Variants in NSF observed in about 807,000 individuals in gnomAD.
The protein encoded by NSF is N-ethylmaleimide sensitive factor, vesicle fusing ATPase, also known as vesicle-fusing ATPase.
A neutral mutation model predicts 50.3 loss-of-function variants in NSF; 14 were observed. That is an observed-to-expected ratio of 0.28 (90% CI 0.18 to 0.44). NSF has a LOEUF of 0.44. Ranked by LOEUF, NSF falls within the 20% of genes least tolerant of loss-of-function variation. The pLI is 1.00. For missense variants in NSF, 218 were observed against 504.3 expected (o/e 0.43, Z 5.44); for synonymous variants, 109 against 175.7 (o/e 0.62, Z 3.00).
chr17:46,728,788 A>G (rs2058919013), intron 16 of NSF, 67 bp from the exon 17 acceptor site: 8 of 1,190,350 alleles, frequency 6.7e-6, no homozygotes, highest in African/African-American at 1.6e-5. Flanking sequence ...AAAAAAAACA[A>G]AAACTGAATG....
intron 17 of NSF, among the ~76,000 whole-genome samples, chr17:46,732,152 T>C (rs1027919703): frequency 6.6e-6 from 1 of 152,228 alleles, no homozygotes; most frequent in African/African-American, 2.4e-5. Flanking sequence ...TGAGCATTTT[T>C]CTTTAAAAGG....
intron 1 of NSF, among the ~76,000 whole-genome samples, chr17:46,610,055 C>CTT (rs1728837431): frequency 7.3e-6 from 1 of 136,176 alleles, no homozygotes; most frequent in Non-Finnish European, 1.7e-5. Context: ...TTCTTTCTTT[C>CTT]TTTCTTTCTT....
At chr17:46,748,328 C>T (rs1844146787) in intron 17 of NSF, among the ~76,000 whole-genome samples, 1 of 152,256 alleles carries the variant, frequency 6.6e-6, no homozygotes, top group South Asian at 2.1e-4. Flanking sequence ...TCAGGCTGGT[C>T]TCAAACTCCT....
chr17:46,721,868 A>T, intron 15 of NSF: 1 of 1,586,776 alleles, frequency 6.3e-7, no homozygotes. Context: ...CTTAGGCAGA[A>T]TTCTCCTCTG....
At chr17:46,710,096 C>A (rs1205121586) in intron 13 of NSF, among the ~76,000 whole-genome samples, 4 of 152,122 alleles carry the variant, frequency 2.6e-5, no homozygotes, top group Non-Finnish European at 4.4e-5. Flanking sequence ...ATCAGGTAAT[C>A]AAAAGTTGAA....
intron 15 of NSF, among the ~76,000 whole-genome samples, chr17:46,724,826 T>C (rs1450687451): frequency 2.0e-5 from 3 of 152,160 alleles, no homozygotes; most frequent in Non-Finnish European, 4.4e-5. Context: ...TAGGCCTTTT[T>C]TTCTTCTTCT....
chr17:46,732,848 G>GA (rs1327461525), intron 17 of NSF, among the ~76,000 whole-genome samples: 3 of 152,256 alleles, frequency 2.0e-5, no homozygotes, highest in East Asian at 3.9e-4. Context: ...AGCCAAGCCG[G>GA]AAAAAAGGGC....
chr17:46,595,779 C>T (rs1279243798), intron 1 of NSF, among the ~76,000 whole-genome samples: 1 of 133,048 alleles, frequency 7.5e-6, no homozygotes, highest in African/African-American at 3.3e-5. Flanking sequence ...TATGAGCCAC[C>T]GCGACTGACC....
rs1361926587 is a variant in NSF at position 46,620,317 on chromosome 17, T to C, written c.13-3927T>C. Among the ~76,000 whole-genome samples, 3 of 8,772 alleles carry C rather than the reference T, an allele frequency of 3.4e-4. 1 individual carries two copies. Among genetic ancestry groups the C allele is most frequent in the African/African-American group, 1.5e-3 (3 of 2,022 alleles). The allele number at this position is 8,772 out of a possible 152,430, so 5.8% of individuals were successfully genotyped here. A position where few individuals can be genotyped will look rare whatever the true frequency, so the allele number is the denominator to read the frequency against. ...AAGATTTTTTTTTCTCTCGCTCTCT[T>C]TTTTTTTTTTTTTTTTTTTTTTTAA... On this transcript the variant is annotated intron_variant, in intron 1 of 20. Transcript: ENST00000398238.
intron 17 of NSF, among the ~76,000 whole-genome samples, chr17:46,730,913 A>G (rs909953437): frequency 6.6e-5 from 10 of 152,180 alleles, no homozygotes; most frequent in African/African-American, 2.4e-4. Context: ...TCAGGTAATG[A>G]CAAGCGCTGG....
intron 13 of NSF, 37 bp from the exon 14 acceptor site, chr17:46,710,926 A>G (rs1207244695): frequency 6.5e-7 from 1 of 1,549,308 alleles, no homozygotes; most frequent in Non-Finnish European, 8.6e-7. Context: ...TTTTAACACT[A>G]AGGCTCAAAA....
At chr17:46,744,277 A>G (rs577663979) in intron 17 of NSF, among the ~76,000 whole-genome samples, 22 of 152,334 alleles carry the variant, frequency 1.4e-4, no homozygotes, top group African/African-American at 4.8e-4. Flanking sequence ...GCTAATGTCT[A>G]TTTCATATTT....
intron 15 of NSF, among the ~76,000 whole-genome samples, chr17:46,726,275 T>C (rs1043238571): frequency 6.6e-6 from 1 of 152,172 alleles, no homozygotes; most frequent in African/African-American, 2.4e-5. Flanking sequence ...CAGAGACCAG[T>C]GTGATAGAAG....
In NSF at chr17:46,709,694, C is replaced by A. The variant is rs1411016771; in HGVS notation, c.1471-1269C>A. ...ATTTTTAGTATAGATGGGGTTTCAC[C>A]ACGTTGGCCAGGTTGGTCTGGAACT... On this transcript the variant is annotated intron_variant, in intron 13 of 20. Transcript: ENST00000398238. Among the ~76,000 whole-genome samples, 4 of 152,106 alleles carry A rather than the reference C, an allele frequency of 2.6e-5. No homozygotes were observed. The East Asian group carries it at 7.7e-4, about 29-fold the overall frequency.
intron 1 of NSF, among the ~76,000 whole-genome samples, chr17:46,598,852 GTGTT>G (rs1364596561): frequency 6.8e-6 from 1 of 147,206 alleles, no homozygotes; most frequent in African/African-American, 2.5e-5. Flanking sequence ...ATACTATAAA[GTGTT>G]TGGTAGTCCA....
At chr17:46,751,305 A>G (rs2059179649) in intron 18 of NSF, among the ~76,000 whole-genome samples, 198 bp from the exon 19 acceptor site, 1 of 152,204 alleles carries the variant, frequency 6.6e-6, no homozygotes, top group South Asian at 2.1e-4. Context: ...GGTTTAAGAT[A>G]CCAGTTTTCA....
At chr17:46,745,089 A>G (rs1394554212) in intron 17 of NSF, among the ~76,000 whole-genome samples, 2 of 151,966 alleles carry the variant, frequency 1.3e-5, no homozygotes, top group Admixed American at 6.6e-5. Context: ...CACTGTGGAC[A>G]TTAAGACTGG....
intron 2 of NSF, among the ~76,000 whole-genome samples, chr17:46,625,665 CAT>C (rs1419518239): frequency 6.5e-5 from 4 of 61,776 alleles, no homozygotes; most frequent in African/African-American, 3.6e-4. Flanking sequence ...ATATAAGGAA[CAT>C]GTGTTCTAGT....
At chr17:46,733,052 C>T (rs1000991489) in intron 17 of NSF, among the ~76,000 whole-genome samples, 3 of 152,164 alleles carry the variant, frequency 2.0e-5, no homozygotes, top group Non-Finnish European at 2.9e-5. Context: ...CTGAGCTGGA[C>T]GTACAATTTG....
Sources: allele counts gnomAD v4.1 joint callset (sites outside exome capture counted in the v4.1 genomes callset), GRCh38; gene constraint gnomAD v4.1.1; transcripts MANE v1.5; gene names NCBI Gene and HGNC (gene_info 2026-07-23, HGNC 2026-07-21).